The following NAT9 variants were observed in gnomAD, a reference collection of about 807,000 sequenced individuals.
NAT9 encodes the protein N-acetyltransferase 9.
In NAT9, 18 loss-of-function variants were observed where a neutral mutation model predicts 24.0. That is an observed-to-expected ratio of 0.75 (90% CI 0.52 to 1.11). The LOEUF is 1.11. NAT9 is among the 50% of genes most tolerant of loss of function. The pLI, the probability that NAT9 is intolerant of heterozygous loss-of-function variation, is 0.00. For synonymous variants in NAT9, 104 were observed against 102.3 expected (o/e 1.02, Z -0.10); for missense variants, 254 against 258.6 (o/e 0.98, Z 0.12).
At chr17:74,775,385 C>T (rs905151017) in intron 2 of NAT9, 3 of 413,718 alleles carry the variant, frequency 7.3e-6, no homozygotes, top group Non-Finnish European at 8.7e-6. Context: ...GACAAGGTCT[C>T]GCTACGTTAC....
chr17:74,773,093 G>A (rs2144196091), intron 3 of NAT9, 54 bp from the exon 4 acceptor site: 1 of 1,592,624 alleles, frequency 6.3e-7, no homozygotes, highest in East Asian at 2.3e-5. Context: ...AGAGAAGAGA[G>A]GATGGTACTC....
At chr17:74,773,822 G>C in intron 2 of NAT9, 134 bp from the exon 3 acceptor site, 4 of 693,712 alleles carry the variant, frequency 5.8e-6, no homozygotes, top group Non-Finnish European at 1.0e-5. Flanking sequence ...TTGCTCCTAA[G>C]GCAGGGGCCA....
rs1198506567 is a variant in NAT9, at chr17:74,772,780, C to G, written c.334+116G>C. 6.1e-6 allele frequency: 9 copies of G among 1,479,974 alleles called. No individual in the cohort carries two copies. In the East Asian group the frequency reaches 2.1e-4, roughly 34 times the overall value. The allele number at this position is 1,479,974 out of a possible 1,614,324, so 91.7% of individuals were successfully genotyped here. A position where few individuals can be genotyped will look rare whatever the true frequency, so the allele number is the denominator to read the frequency against. Reference sequence around the variant, plus strand: ...GCTGCCCAGCCAGGCCCTGGACTCACCACATGGAGCCTCCCAGTGAACCCT... The same window carrying G: ...GCTGCCCAGCCAGGCCCTGGACTCAGCACATGGAGCCTCCCAGTGAACCCT... On this transcript the variant is annotated intron_variant, in intron 4 of 6. Coordinates refer to ENST00000357814, the MANE Select transcript of NAT9 (RefSeq NM_015654.5).
chr17:74,771,655 C>G lies in NAT9; in HGVS notation c.*69G>C. 1 of 1,596,176 alleles carries G rather than the reference C, an allele frequency of 6.3e-7. No homozygotes were observed. The highest frequency in any genetic ancestry group is 8.5e-7 in the Non-Finnish European group (1 of 1,171,498). ...CCAGGAGCACTCTCCCAGTGCAGGG[C>G]TCTGGTCTTTGAAGTGTATGGGCCC... On this transcript the variant is annotated 3_prime_UTR_variant, in exon 7 of 7. Transcript: ENST00000357814.
intron 1 of NAT9, 198 bp from the exon 2 acceptor site, chr17:74,775,905 C>G: frequency 2.0e-6 from 1 of 496,190 alleles, no homozygotes; most frequent in South Asian, 3.1e-5. Context: ...ATCCTTGACT[C>G]CCACTCCAAG....
chr17:74,774,835 C>T (rs942624249), intron 2 of NAT9, among the ~76,000 whole-genome samples: 3 of 151,792 alleles, frequency 2.0e-5, no homozygotes, highest in Admixed American at 1.3e-4. Flanking sequence ...CAGGCGTGAG[C>T]CACTGCGCCC....
chr17:74,773,501 A>T, intron 3 of NAT9, 75 bp downstream of exon 3: 1 of 1,327,088 alleles, frequency 7.5e-7, no homozygotes, highest in Non-Finnish European at 1.1e-6. Context: ...TGGGAAAGGG[A>T]AGGAACCTGG....
At position 74,772,895 on chromosome 17, in the gene NAT9, C is replaced by T. The variant is rs1272457700; in HGVS notation, c.334+1G>A. The T allele has an allele frequency of 6.2e-7, 1 of 1,614,122 alleles. No individual in the cohort carries two copies. On this transcript the variant is annotated splice_donor_variant, in intron 4 of 6. Transcript: ENST00000357814. LOFTEE classifies it high-confidence loss of function. ...GGAAGGCAGGGCTAGGTGAAACAAA[C>T]CTGCAATCATGACCTCGATCTCCCC...
chr17:74,771,784 C>T lies in NAT9; in HGVS notation c.564G>A (p.Leu188=). ...TCTCTTCCACGTGGCTGGTCTGCTC[C>T]AGAAGCCACTGATGCTCGGACTCAC... ...TVSESEHQWL[L]EQTSHVEEKP... The change falls in exon 7 of 7, where the codon CTG becomes CTA. Residue 188 remains leucine (L), a synonymous_variant. Transcript: ENST00000357814. 6.2e-7 allele frequency: 1 copy of T among 1,614,114 alleles called. No individual in the cohort carries two copies. The highest frequency in any genetic ancestry group is 1.1e-5 in the South Asian group (1 of 91,090).
chr17:74,771,327 A>C lies in NAT9; in HGVS notation c.*397T>G. On this transcript the variant is annotated 3_prime_UTR_variant, in exon 7 of 7. Coordinates refer to ENST00000357814, the MANE Select transcript of NAT9 (RefSeq NM_015654.5). ...AAACGGGAAAATCAGGAAAGCTGGTAGTGCCTGGAGCTTCACTCCCAGCCA... is the reference window on the plus strand; with the variant it reads ...AAACGGGAAAATCAGGAAAGCTGGTCGTGCCTGGAGCTTCACTCCCAGCCA... The C allele has an allele frequency of 8.8e-6, 2 of 228,418 alleles. No homozygotes were observed. The highest frequency in any genetic ancestry group is 1.8e-5 in the Non-Finnish European group (2 of 112,856). 14.1% of individuals were successfully genotyped at this position (228,418 alleles called of 1,614,324 possible). A position where few individuals can be genotyped will look rare whatever the true frequency, so the allele number is the denominator to read the frequency against.
intron 3 of NAT9, 103 bp from the exon 4 acceptor site, chr17:74,773,142 G>C (rs2035472534): frequency 7.3e-7 from 1 of 1,369,884 alleles, no homozygotes; most frequent in South Asian, 1.3e-5. Context: ...CAGCATCTCT[G>C]AGTCTGCCAG....
At chr17:74,775,350 G>C in intron 2 of NAT9, 1 of 321,496 alleles carries the variant, frequency 3.1e-6, no homozygotes, top group Non-Finnish European at 5.8e-6. Context: ...ACCATGCCTG[G>C]CTAATTTTTG....
intron 4 of NAT9, chr17:74,772,687 C>G: frequency 8.7e-7 from 1 of 1,147,416 alleles, no homozygotes; most frequent in Non-Finnish European, 1.2e-6. Context: ...TAAGTTCACG[C>G]CTAAGCATAA....
In NAT9 at chr17:74,773,738, C is replaced by T. The variant is rs114209160; in HGVS notation, c.78-50G>A. 1,963 of 1,480,704 alleles carry T rather than the reference C, an allele frequency of 1.3e-3. 30 individuals carry two copies. In the African/African-American group the frequency reaches 0.024, roughly 18 times the overall value. 91.7% of individuals were successfully genotyped at this position (1,480,704 alleles called of 1,614,324 possible). A position where few individuals can be genotyped will look rare whatever the true frequency, so the allele number is the denominator to read the frequency against. On this transcript the variant is annotated intron_variant, in intron 2 of 6. Transcript: ENST00000357814. Reference sequence around the variant, plus strand: ...CATGGAGGACTCATTCAGAGGCATACGTCTGACACCTTATGAGGGTCCAGA... The same window carrying T: ...CATGGAGGACTCATTCAGAGGCATATGTCTGACACCTTATGAGGGTCCAGA...
chr17:74,772,670 C>A, intron 4 of NAT9: 1 of 1,195,218 alleles, frequency 8.4e-7, no homozygotes, highest in South Asian at 1.7e-5. Context: ...TACCCCAAAC[C>A]AAGGGTTAAG....
In NAT9 at chr17:74,771,802, G is replaced by A. The variant is rs780397329; in HGVS notation, c.546C>T (p.Ser182=). ...TCTGCTCCAGAAGCCACTGATGCTC[G>A]GACTCACTCACTGTCAGTCTGAGGG... The part of the protein sequence containing the change: ...EVTLRLTVSE[S]EHQWLLEQTS... The change falls in exon 7 of 7, where the codon TCC becomes TCT. Residue 182 remains serine, a synonymous_variant. Transcript: ENST00000357814. 170 of 1,614,002 alleles carry A rather than the reference G, an allele frequency of 1.1e-4. No individual in the cohort carries two copies. Among genetic ancestry groups the A allele is most frequent in the Non-Finnish European group, 1.3e-4 (157 of 1,180,036 alleles).
In NAT9 at chr17:74,772,929, G is replaced by A. The variant is rs1281048294; in HGVS notation, c.301C>T (p.Leu101Phe). 1.2e-6 allele frequency: 2 copies of A among 1,614,064 alleles called. No individual in the cohort carries two copies. Among genetic ancestry groups the A allele is most frequent in the Non-Finnish European group, 1.7e-6 (2 of 1,180,028 alleles). ...VNLFLTDLED[L>F]TLGEIEVMIA... is the part of the protein sequence containing the mutation. ...ATGACCTCGATCTCCCCCAAGGTGA[G>A]GTCTTCTAGATCTGTGAGGAAGAGG... Residue 101 changes from leucine to phenylalanine, a missense_variant, in exon 4 of 7, where the codon CTC (leucine) becomes TTC (phenylalanine). By Grantham distance (22) the Leu-to-Phe change is conservative. Transcript: ENST00000357814.
intron 4 of NAT9, chr17:74,772,648 C>A: frequency 7.9e-7 from 1 of 1,263,242 alleles, no homozygotes; most frequent in Non-Finnish European, 1.1e-6. Context: ...TGGGACTAAC[C>A]ATACTTGAAT....
chr17:74,770,534 G>A lies in NAT9; in HGVS notation c.*1190C>T, dbSNP rs896758640. The A allele has an allele frequency of 1.3e-5, 2 of 152,212 alleles. No individual in the cohort carries two copies. The highest frequency in any genetic ancestry group is 2.1e-4 in the South Asian group (1 of 4,832). 9.4% of individuals were successfully genotyped at this position (152,212 alleles called of 1,614,324 possible). A position where few individuals can be genotyped will look rare whatever the true frequency, so the allele number is the denominator to read the frequency against. On this transcript the variant is annotated 3_prime_UTR_variant, in exon 7 of 7. Coordinates refer to ENST00000357814, the MANE Select transcript of NAT9 (RefSeq NM_015654.5). ...GTACACATGGTACGAAGGGAGCCAC[G>A]GCAAGCAACGCGTTCGTTTTATAAT...
Sources: gnomAD v4.1 joint callset for allele counts (sites outside exome capture counted in the v4.1 genomes callset) on GRCh38, gnomAD v4.1.1 for gene constraint, MANE v1.5 for transcripts, NCBI Gene and HGNC (gene_info 2026-07-23, HGNC 2026-07-21) for gene names.